MTSS1: variants seen among roughly 807,000 people sequenced by gnomAD.
MTSS1 encodes the protein MTSS I-BAR domain containing 1.
In MTSS1, 18 loss-of-function variants were observed where a neutral mutation model predicts 79.0. The observed-to-expected ratio is 0.23, with a 90% CI of 0.16 to 0.34. MTSS1 has a LOEUF of 0.34. MTSS1 is among the 10% of genes least tolerant of loss of function. The probability of loss-of-function intolerance (pLI) is 1.00; values close to 1 mark genes in which losing one functional copy is unlikely to be tolerated. For missense variants in MTSS1, 815 were observed against 986.2 expected, an observed-to-expected ratio of 0.83 and a Z score of 2.33; for synonymous variants, 341 against 368.6, an observed-to-expected ratio of 0.93 and a Z score of 0.86.
At chr8:124,617,213 G>A (rs1168067111) in intron 3 of MTSS1, among the ~76,000 whole-genome samples, 4 of 152,142 alleles carry the variant, frequency 2.6e-5, no homozygotes, top group East Asian at 1.9e-4. Flanking sequence ...TCAGGCAGGC[G>A]GGGCAACTCT....
At chr8:124,628,413 C>T (rs974533232) in intron 3 of MTSS1, among the ~76,000 whole-genome samples, 14 of 152,100 alleles carry the variant, frequency 9.2e-5, no homozygotes, top group African/African-American at 2.7e-4. Flanking sequence ...TGATATGAAC[C>T]GGCAGCAGGA....
intron 3 of MTSS1, among the ~76,000 whole-genome samples, chr8:124,641,723 C>T (rs1429391385): frequency 1.3e-5 from 2 of 152,152 alleles, no homozygotes; most frequent in East Asian, 3.8e-4. Context: ...CCCCCTAAAA[C>T]AAATCAAGTA....
chr8:124,672,074 A>G (rs1824322144), intron 3 of MTSS1, among the ~76,000 whole-genome samples: 1 of 152,262 alleles, frequency 6.6e-6, no homozygotes, highest in Non-Finnish European at 1.5e-5. Context: ...CAGCTTCATA[A>G]TTTCTGAAGG....
chr8:124,553,315 A>G lies in MTSS1; in HGVS notation c.1945T>C (p.Ser649Pro). ...ERGEHSPESP[S>P]VGEGPQGVTS... is the part of the protein sequence containing the mutation. ...ACACCTTGGGGGCCCTCACCCACAG[A>G]TGGCGACTCAGGGCTGTGCTCCCCC... Residue 649 changes from serine to proline, a missense_variant, in exon 14 of 14, where the codon TCT becomes CCT. Coordinates refer to ENST00000518547, the MANE Select transcript of MTSS1 (RefSeq NM_014751.6). The surrounding 1 kb of genome is among the most constrained non-coding windows in gnomAD (Gnocchi z 6.0). 6.2e-7 allele frequency: 1 copy of G among 1,614,092 alleles called. No homozygotes were observed. Among genetic ancestry groups the G allele is most frequent in the African/African-American group, 1.3e-5 (1 of 75,034 alleles).
chr8:124,678,275 T>TA (rs1439389828), intron 3 of MTSS1, among the ~76,000 whole-genome samples: 3 of 152,210 alleles, frequency 2.0e-5, no homozygotes, highest in Non-Finnish European at 4.4e-5. Context: ...CTCTGAGACC[T>TA]GGGGAACACT....
chr8:124,571,834 C>T (rs898432629), intron 6 of MTSS1, among the ~76,000 whole-genome samples: 1 of 152,150 alleles, frequency 6.6e-6, no homozygotes, highest in South Asian at 2.1e-4. Context: ...TGTGGTGGCA[C>T]ACGCCTGTAG....
intron 1 of MTSS1, among the ~76,000 whole-genome samples, chr8:124,720,532 C>T (rs1832756139): frequency 6.6e-6 from 1 of 152,202 alleles, no homozygotes. Context: ...TAGCCAAGGA[C>T]CCCACCCTCT....
chr8:124,692,883 C>T (rs1295341898), intron 3 of MTSS1, among the ~76,000 whole-genome samples: 1 of 152,084 alleles, frequency 6.6e-6, no homozygotes, highest in East Asian at 1.9e-4. Context: ...GCCAGATACT[C>T]AGCATCTGGG....
chr8:124,566,481 A>G (rs7824951), intron 8 of MTSS1, among the ~76,000 whole-genome samples: 102,560 of 152,072 alleles, frequency 0.67, 34,671 homozygotes, highest in Non-Finnish European at 0.7. Context: ...AAAAGCCAGC[A>G]TGTGATTCAT....
In MTSS1 at chr8:124,669,041, T is replaced by C. The variant is rs114416040; in HGVS notation, c.208+30485A>G. ...TTTTACAAAGCAGGTTGATTGCCAC[T>C]GACTTCATTTTGTTCCACTTGAGGT... On this transcript the variant is annotated intron_variant, in intron 3 of 13. Transcript: ENST00000518547. Among the ~76,000 whole-genome samples the C allele has an allele frequency of 8.6e-3, 1,311 of 152,334 alleles. 16 individuals carry two copies. Among genetic ancestry groups the C allele is most frequent in the African/African-American group, 0.03 (1,253 of 41,570 alleles).
chr8:124,661,607 G>A (rs1822044133), intron 3 of MTSS1, among the ~76,000 whole-genome samples: 1 of 152,174 alleles, frequency 6.6e-6, no homozygotes, highest in African/African-American at 2.4e-5. Flanking sequence ...GACACTGCTG[G>A]GAGAGGCACG....
chr8:124,713,280 C>T (rs967703660), intron 1 of MTSS1, among the ~76,000 whole-genome samples: 2 of 152,218 alleles, frequency 1.3e-5, no homozygotes, highest in African/African-American at 4.8e-5. Flanking sequence ...AAGGGCTTCA[C>T]TATCTTAGGG....
In MTSS1 at chr8:124,556,694, C is replaced by T. The variant is rs527505699; in HGVS notation, c.1231-289G>A. 267 of 441,744 alleles carry T rather than the reference C, an allele frequency of 6.0e-4. 3 individuals are homozygous for T. The highest frequency in any genetic ancestry group is 9.7e-4 in the Admixed American group (24 of 24,850). 27.4% of individuals were successfully genotyped at this position (441,744 alleles called of 1,614,324 possible). On this transcript the variant is annotated intron_variant, in intron 11 of 13. Coordinates refer to ENST00000518547, the MANE Select transcript of MTSS1 (RefSeq NM_014751.6). ...ACCCGGCAGCCACCTAACAGGTGAC[C>T]GGTGTAAGCTAAGGGGACCCACCAG...
intron 3 of MTSS1, among the ~76,000 whole-genome samples, chr8:124,641,149 G>A (rs1025491198): frequency 6.6e-6 from 1 of 152,092 alleles, no homozygotes; most frequent in Non-Finnish European, 1.5e-5. Flanking sequence ...AGGGGACAAG[G>A]AAGAGAGCCA....
rs755851900 is a variant in MTSS1 at position 124,597,684 on chromosome 8, C to T, written c.209-6449G>A. 6.6e-6 allele frequency among the ~76,000 whole-genome samples: 1 copy of T among 152,182 alleles called. No individual in the cohort carries two copies. The highest frequency in any genetic ancestry group is 2.1e-4 in the South Asian group (1 of 4,830). ...AGGTGGCGAGCGAGGACTGAAAAGA[C>T]GTTTTGTCAGGCCCAGCTTCTGCAG... On this transcript the variant is annotated intron_variant, in intron 3 of 13. Transcript: ENST00000518547. The surrounding 1 kb of genome is among the most constrained non-coding windows in gnomAD (Gnocchi z 4.6).
chr8:124,573,770 T>C (rs1263658867), intron 6 of MTSS1, among the ~76,000 whole-genome samples: 2 of 152,252 alleles, frequency 1.3e-5, no homozygotes, highest in Non-Finnish European at 2.9e-5. Context: ...GGCTTTCTTC[T>C]GTAATATCTT....
In MTSS1 at chr8:124,643,199, G is replaced by A. The variant is rs538530823; in HGVS notation, c.209-51964C>T. Among the ~76,000 whole-genome samples the A allele has an allele frequency of 2.1e-4, 32 of 152,170 alleles. No homozygotes were observed. The South Asian group carries it at 4.6e-3, about 22-fold the overall frequency. On this transcript the variant is annotated intron_variant, in intron 3 of 13. Coordinates refer to ENST00000518547, the MANE Select transcript of MTSS1 (RefSeq NM_014751.6). ...CTACAAATGCTTACGGCCCTCACTC[G>A]GCAATCCCACATGAGGACTCCATCC...
chr8:124,715,357 T>A (rs927805916), intron 1 of MTSS1, among the ~76,000 whole-genome samples: 4 of 152,218 alleles, frequency 2.6e-5, no homozygotes, highest in South Asian at 2.1e-4. Context: ...TCTTTTTTTT[T>A]AATTTTTGTT....
At position 124,650,526 on chromosome 8, in the gene MTSS1, C is replaced by T. The variant is rs185036964; in HGVS notation, c.208+49000G>A. On this transcript the variant is annotated intron_variant, in intron 3 of 13. Transcript: ENST00000518547. ...CTAAGATAGAGAAGCCGCGTTTCCT[C>T]GCCCTTCTCTCCGATCCTTCCATTT... is the stretch of plus-strand genomic sequence containing the variant. Among the ~76,000 whole-genome samples, 339 of 152,134 alleles carry T rather than the reference C, an allele frequency of 2.2e-3. 2 individuals are homozygous for T. Among genetic ancestry groups the T allele is most frequent in the African/African-American group, 6.5e-3 (269 of 41,498 alleles).
Sources: gnomAD v4.1 joint callset for allele counts (sites outside exome capture counted in the v4.1 genomes callset) on GRCh38, gnomAD v4.1.1 for gene constraint, Gnocchi (gnomAD v3.1) non-coding constraint, MANE v1.5 for transcripts, NCBI Gene and HGNC (gene_info 2026-07-23, HGNC 2026-07-21) for gene names.